PTPRD: variants seen among roughly 807,000 people sequenced by gnomAD.
PTPRD encodes the protein receptor-type tyrosine-protein phosphatase delta.
A neutral mutation model predicts 214.5 loss-of-function variants in PTPRD; 34 were observed. That is an observed-to-expected ratio of 0.16 (90% CI 0.12 to 0.21). The LOEUF is 0.21. Ranked by LOEUF, PTPRD falls within the 10% of genes least tolerant of loss-of-function variation. The pLI is 1.00. For missense variants in PTPRD, 2,545 were observed against 2,398.7 expected (o/e 1.06, Z -1.27); for synonymous variants, 1,128 against 845.7 (o/e 1.33, Z -5.79).
intron 9 of PTPRD, among the ~76,000 whole-genome samples, chr9:9,352,694 T>C (rs1476972524): frequency 6.6e-6 from 1 of 151,970 alleles, no homozygotes; most frequent in Non-Finnish European, 1.5e-5. Context: ...GACGAATTAA[T>C]GATAACTATG....
intron 7 of PTPRD, among the ~76,000 whole-genome samples, chr9:9,719,489 G>A (rs186828183): frequency 2.4e-4 from 36 of 152,258 alleles, no homozygotes; most frequent in Admixed American, 9.8e-4. Context: ...CTGCTTTAAC[G>A]TCATAGCCCT....
intron 11 of PTPRD, among the ~76,000 whole-genome samples, chr9:8,951,615 T>C (rs1358491070): frequency 6.6e-6 from 1 of 152,038 alleles, no homozygotes; most frequent in Non-Finnish European, 1.5e-5. Context: ...ATTGCACTGC[T>C]AGTCACCCAG....
intron 7 of PTPRD, among the ~76,000 whole-genome samples, chr9:9,604,502 G>C (rs932863293): frequency 3.9e-5 from 6 of 151,960 alleles, no homozygotes; most frequent in Non-Finnish European, 8.8e-5. Context: ...TTAAATAAAG[G>C]TGTTCTAACT....
intron 6 of PTPRD, among the ~76,000 whole-genome samples, chr9:9,751,484 G>C (rs113345937): frequency 1.3e-5 from 2 of 152,174 alleles, no homozygotes; most frequent in Admixed American, 6.5e-5. Context: ...CTCAAAAAAG[G>C]TGTGTCTGAA....
At chr9:8,597,426 C>T (rs1013683861) in intron 14 of PTPRD, among the ~76,000 whole-genome samples, 3 of 151,888 alleles carry the variant, frequency 2.0e-5, no homozygotes, top group Non-Finnish European at 4.4e-5. Flanking sequence ...TATTCATATA[C>T]CTGTTAATAC....
At chr9:9,926,213 G>C (rs556797229) in intron 5 of PTPRD, among the ~76,000 whole-genome samples, 151 of 152,192 alleles carry the variant, frequency 9.9e-4, no homozygotes, top group African/African-American at 3.5e-3. Context: ...TCAAGCCCTT[G>C]AAAACTCAGT....
chr9:9,667,496 C>T (rs1041917792), intron 7 of PTPRD, among the ~76,000 whole-genome samples: 1 of 152,074 alleles, frequency 6.6e-6, no homozygotes, highest in Non-Finnish European at 1.5e-5. Flanking sequence ...AATTATACAG[C>T]AGTAAAAACG....
Position 9,944,631 on chromosome 9 carries a change from G to T in PTPRD, c.-471-6021C>A, listed in dbSNP as rs944224217. Among the ~76,000 whole-genome samples, 3 of 152,078 alleles carry T rather than the reference G, an allele frequency of 2.0e-5. No homozygotes were observed. In the South Asian group the frequency reaches 6.2e-4, roughly 32 times the overall value. On this transcript the variant is annotated intron_variant, in intron 4 of 45. Coordinates refer to ENST00000381196, the MANE Select transcript of PTPRD (RefSeq NM_002839.4). The stretch of plus-strand genomic sequence containing the variant: ...CTGGGTGAAGAGTATTCCAAGAATA[G>T]GCCACATGAAGAGCAAAGTCTAAGA...
rs1374651615 is a variant in PTPRD, at chr9:10,546,380, G to C, written c.-600+66018C>G. Among the ~76,000 whole-genome samples the C allele has an allele frequency of 2.0e-5, 3 of 151,896 alleles. No individual in the cohort carries two copies. In the East Asian group the frequency reaches 5.8e-4, roughly 29 times the overall value. The stretch of plus-strand genomic sequence containing the variant: ...TCCATTTTCTATGCAAAAGAGAGAA[G>C]AAAATGAGAAAGAAGAAAGGTAATT... On this transcript the variant is annotated intron_variant, in intron 2 of 45. Coordinates refer to ENST00000381196, the MANE Select transcript of PTPRD (RefSeq NM_002839.4).
intron 7 of PTPRD, among the ~76,000 whole-genome samples, chr9:9,613,337 G>C (rs1002400349): frequency 6.6e-5 from 10 of 151,880 alleles, no homozygotes; most frequent in Non-Finnish European, 1.5e-4. Context: ...TATCACATTA[G>C]TGTTTTAAGC....
In PTPRD at chr9:9,318,119, C is replaced by T. The variant is rs529608716; in HGVS notation, c.-203+79330G>A. Reference sequence around the variant, plus strand: ...CAGGGATGCGGAGGTTGCAGTAAGCCGAGATCGTGCCATTGCACTCCAGCC... The same window carrying T: ...CAGGGATGCGGAGGTTGCAGTAAGCTGAGATCGTGCCATTGCACTCCAGCC... On this transcript the variant is annotated intron_variant, in intron 9 of 45. Coordinates refer to ENST00000381196, the MANE Select transcript of PTPRD (RefSeq NM_002839.4). Among the ~76,000 whole-genome samples, 32 of 151,310 alleles carry T rather than the reference C, an allele frequency of 2.1e-4. No homozygotes were observed. In the South Asian group the frequency reaches 5.0e-3, roughly 24 times the overall value.
intron 35 of PTPRD, among the ~76,000 whole-genome samples, chr9:8,422,932 T>C (rs966771288): frequency 6.6e-6 from 1 of 152,170 alleles, no homozygotes; most frequent in Non-Finnish European, 1.5e-5. Flanking sequence ...CAGCATTTCA[T>C]TGTTCATTAA....
In PTPRD at chr9:8,414,785, C is replaced by T. The variant is rs1156349190; in HGVS notation, c.4087-10125G>A. Among the ~76,000 whole-genome samples the T allele has an allele frequency of 6.0e-5, 9 of 150,784 alleles. No homozygotes were observed. The Admixed American group carries it at 6.0e-4, about 10-fold the overall frequency. On this transcript the variant is annotated intron_variant, in intron 35 of 45. Coordinates refer to ENST00000381196, the MANE Select transcript of PTPRD (RefSeq NM_002839.4). ...CTACCTAACTTCCTCATATTCACAT[C>T]TATATCTAGGCAAGCTTCATGACAG...
chr9:9,716,630 T>C (rs949256394), intron 7 of PTPRD, among the ~76,000 whole-genome samples: 45 of 152,188 alleles, frequency 3.0e-4, no homozygotes, highest in Non-Finnish European at 4.6e-4. Context: ...TTTCATGTGT[T>C]TTTTGGCTGC....
At chr9:9,360,287 G>C (rs990626105) in intron 9 of PTPRD, among the ~76,000 whole-genome samples, 1 of 150,810 alleles carries the variant, frequency 6.6e-6, no homozygotes, top group Non-Finnish European at 1.5e-5. Flanking sequence ...AAAGCCATAA[G>C]AGAGAAACAA....
intron 11 of PTPRD, among the ~76,000 whole-genome samples, chr9:8,777,416 C>T (rs937764399): frequency 2.6e-5 from 4 of 152,162 alleles, no homozygotes; most frequent in African/African-American, 7.2e-5. Flanking sequence ...CAGTAGTTAA[C>T]AGCAAGACAT....
chr9:9,109,287 C>T (rs1338216182), intron 10 of PTPRD, among the ~76,000 whole-genome samples: 2 of 152,064 alleles, frequency 1.3e-5, no homozygotes, highest in African/African-American at 4.8e-5. Flanking sequence ...AGCATCTGTG[C>T]ATTTTTCTTT....
At chr9:9,585,908 C>G (rs148310338) in intron 7 of PTPRD, among the ~76,000 whole-genome samples, 11 of 151,968 alleles carry the variant, frequency 7.2e-5, no homozygotes, top group Middle Eastern at 3.2e-3. Context: ...CATGGAGAAA[C>G]TGGAAGCAGG....
chr9:9,934,136 A>C (rs1255412901), intron 5 of PTPRD, among the ~76,000 whole-genome samples: 4 of 149,702 alleles, frequency 2.7e-5, no homozygotes, highest in Admixed American at 2.6e-4. Context: ...GGTAAGATCC[A>C]AAATTGACAC....
Sources: gnomAD v4.1 joint callset for allele counts (sites outside exome capture counted in the v4.1 genomes callset) on GRCh38, gnomAD v4.1.1 for gene constraint, MANE v1.5 for transcripts, NCBI Gene and HGNC (gene_info 2026-07-23, HGNC 2026-07-21) for gene names.